The following TACC2 variants were observed in gnomAD, a reference collection of about 807,000 sequenced individuals.
TACC2 encodes transforming acidic coiled-coil-containing protein 2.
Under a neutral mutation model 227.3 loss-of-function variants are expected in TACC2, and 137 were observed. That is an observed-to-expected ratio of 0.60 (90% CI 0.52 to 0.69). The LOEUF is 0.69. TACC2 is among the 30% of genes least tolerant of loss of function. The probability of loss-of-function intolerance (pLI) is 0.00; values close to 1 mark genes in which losing one functional copy is unlikely to be tolerated. For missense variants in TACC2, 3,470 were observed against 3,694.4 expected, an observed-to-expected ratio of 0.94 and a Z score of 1.57; for synonymous variants, 1,523 against 1,487.5, an observed-to-expected ratio of 1.02 and a Z score of -0.55.
chr10:122,195,030 C>G lies in TACC2; in HGVS notation c.5835-10C>G, dbSNP rs1436322362. 6.2e-7 allele frequency: 1 copy of G among 1,604,420 alleles called. No individual in the cohort carries two copies. Among genetic ancestry groups the G allele is most frequent in the African/African-American group, 1.3e-5 (1 of 74,860 alleles). On this transcript the variant is annotated splice_polypyrimidine_tract_variant and intron_variant, in intron 7 of 22. Coordinates refer to ENST00000369005, the MANE Select transcript of TACC2 (RefSeq NM_206862.4). The stretch of plus-strand genomic sequence containing the variant: ...CCCTGTCTAACCTGTGCTTCTCCCT[C>G]TCTCATCAGGAGTTCCGATTCTGAA...
chr10:122,039,981 C>A (rs958689836), intron 2 of TACC2, among the ~76,000 whole-genome samples: 6 of 120,508 alleles, frequency 5.0e-5, no homozygotes, highest in African/African-American at 2.0e-4. Context: ...GAGCCTCAGC[C>A]CAGCCCCTTG....
chr10:122,084,747 C>T lies in TACC2; in HGVS notation c.2247C>T (p.Ser749=). ...CATTGGAAATAAGGAAGATGGGCAG[C>T]TGTGATGGGGAGGGCTTGCTGACGT... ...ESTLEIRKMG[S]CDGEGLLTSP... is the part of the protein sequence containing the mutation. The change falls in exon 4 of 23, where the codon AGC becomes AGT. Residue 749 remains serine (S), a synonymous_variant. Transcript: ENST00000369005. 1 of 1,613,672 alleles carries T rather than the reference C, an allele frequency of 6.2e-7. No individual in the cohort carries two copies. Among genetic ancestry groups the T allele is most frequent in the Non-Finnish European group, 8.5e-7 (1 of 1,180,036 alleles).
intron 2 of TACC2, among the ~76,000 whole-genome samples, chr10:122,032,042 G>A (rs1208433720): frequency 6.6e-6 from 1 of 152,032 alleles, no homozygotes. Flanking sequence ...AGGAATCTGA[G>A]CGACCCTGAT....
intron 8 of TACC2, among the ~76,000 whole-genome samples, chr10:122,206,092 G>A (rs1031706779): frequency 8.5e-5 from 13 of 152,086 alleles, no homozygotes; most frequent in Non-Finnish European, 1.5e-4. Context: ...ACTGGGGGGC[G>A]GGGGGAAAGA....
rs1395195880 is a variant in TACC2, at chr10:122,084,906, G to A, written c.2406G>A (p.Gln802=). The change falls in exon 4 of 23, where the codon CAG becomes CAA. Residue 802 remains glutamine, a synonymous_variant. Coordinates refer to ENST00000369005, the MANE Select transcript of TACC2 (RefSeq NM_206862.4). The part of the protein sequence containing the change: ...GLTALILDQD[Q]QGIPSCPGEG... ...CGGCACTCATCCTGGACCAAGATCA[G>A]CAGGGAATCCCATCCTGCCCAGGGG... is the stretch of plus-strand genomic sequence containing the variant. 2.5e-6 allele frequency: 4 copies of A among 1,614,132 alleles called. No homozygotes were observed. In the South Asian group the frequency reaches 4.4e-5, roughly 18 times the overall value.
intron 3 of TACC2, among the ~76,000 whole-genome samples, chr10:122,073,126 A>AAAAATAT (rs1383487943): frequency 6.8e-4 from 48 of 71,000 alleles, no homozygotes; most frequent in Admixed American, 1.2e-3. Flanking sequence ...AAAAAAAAAA[A>AAAAATAT]ATATATATAT....
Position 122,000,971 on chromosome 10 carries a change from C to T in TACC2, c.-46+11483C>T, listed in dbSNP as rs564722841. On this transcript the variant is annotated intron_variant, in intron 1 of 22. Coordinates refer to ENST00000369005, the MANE Select transcript of TACC2 (RefSeq NM_206862.4). ...CCGAGTAGCTGGGACTACAGGCATG[C>T]GCCACCATGCCCAGCTAATTTTTGT... Among the ~76,000 whole-genome samples the T allele has an allele frequency of 9.5e-3, 1,446 of 152,156 alleles. 6 individuals are homozygous for T. The highest frequency in any genetic ancestry group is 0.014 in the South Asian group (69 of 4,816).
rs182484320 is a variant in TACC2 at position 122,111,063 on chromosome 10, C to T, written c.5574-21546C>T. On this transcript the variant is annotated intron_variant, in intron 5 of 22. Transcript: ENST00000369005. ...TGTGCTTCCATAGCCACATCTCTTT[C>T]TCTGACTCTCTTCTTCCTCCTCCTT... is the stretch of plus-strand genomic sequence containing the variant. Among the ~76,000 whole-genome samples the T allele has an allele frequency of 2.0e-4, 30 of 152,316 alleles. No individual in the cohort carries two copies. The East Asian group carries it at 5.2e-3, about 26-fold the overall frequency.
chr10:122,061,332 T>A (rs922787558), intron 3 of TACC2, among the ~76,000 whole-genome samples: 4 of 148,876 alleles, frequency 2.7e-5, no homozygotes, highest in Non-Finnish European at 5.9e-5. Flanking sequence ...TCGAGGAAGA[T>A]TCCTGAAGCT....
intron 22 of TACC2, among the ~76,000 whole-genome samples, chr10:122,251,593 G>A (rs968611083): frequency 8.5e-5 from 13 of 152,174 alleles, no homozygotes; most frequent in Non-Finnish European, 1.8e-4. Flanking sequence ...CCAGCTATTC[G>A]GGAGGCTAAG....
intron 5 of TACC2, among the ~76,000 whole-genome samples, chr10:122,114,518 G>A (rs534479073): frequency 4.7e-4 from 71 of 152,248 alleles, no homozygotes; most frequent in Non-Finnish European, 7.8e-4. Flanking sequence ...GGCCTCCTGA[G>A]AATGGGACCA....
chr10:122,142,955 A>AC (rs1425413150), intron 6 of TACC2, among the ~76,000 whole-genome samples: 1 of 151,808 alleles, frequency 6.6e-6, no homozygotes, highest in African/African-American at 2.4e-5. Flanking sequence ...CTCCAGTGCT[A>AC]CCCCCGGAGG....
intron 7 of TACC2, among the ~76,000 whole-genome samples, chr10:122,153,636 A>G (rs915067638): frequency 2.6e-5 from 4 of 152,218 alleles, no homozygotes; most frequent in Non-Finnish European, 4.4e-5. Flanking sequence ...CAGCAGCCAC[A>G]GCTAAACATG....
At chr10:122,082,054 G>A (rs1345399320) in intron 3 of TACC2, among the ~76,000 whole-genome samples, 3 of 149,710 alleles carry the variant, frequency 2.0e-5, no homozygotes, top group African/African-American at 7.4e-5. Context: ...GGTGGCTCAC[G>A]CCTATAATTC....
intron 17 of TACC2, among the ~76,000 whole-genome samples, 154 bp from the exon 18 acceptor site, chr10:122,237,807 A>G (rs1258121477): frequency 6.6e-6 from 1 of 152,112 alleles, no homozygotes; most frequent in East Asian, 1.9e-4. Context: ...TTTCTTTTTT[A>G]TGCTCGGGGA....
intron 2 of TACC2, among the ~76,000 whole-genome samples, chr10:122,042,868 T>C (rs1004205919): frequency 6.6e-5 from 10 of 152,176 alleles, no homozygotes; most frequent in African/African-American, 2.4e-4. Context: ...GATACAGGGA[T>C]TCTAGAGGGG....
intron 2 of TACC2, among the ~76,000 whole-genome samples, chr10:122,036,625 C>T (rs1037190579): frequency 3.3e-5 from 5 of 151,996 alleles, no homozygotes; most frequent in East Asian, 1.9e-4. Flanking sequence ...CTCAGCCTCC[C>T]GAGTAGCTGG....
intron 7 of TACC2, among the ~76,000 whole-genome samples, chr10:122,149,440 ACTGTGGCGG>A (rs1471355897): frequency 3.3e-5 from 5 of 152,176 alleles, no homozygotes; most frequent in African/African-American, 1.2e-4. Context: ...TGAGCTGCAG[ACTGTGGCGG>A]CTGTGGCGTT....
intron 22 of TACC2, among the ~76,000 whole-genome samples, chr10:122,253,595 C>T (rs2096288780): frequency 6.6e-6 from 1 of 152,194 alleles, no homozygotes; most frequent in African/African-American, 2.4e-5. Context: ...TCAAAAAAGC[C>T]ACCGAGGGGT....
Sources: gnomAD v4.1 joint callset for allele counts (sites outside exome capture counted in the v4.1 genomes callset) on GRCh38, gnomAD v4.1.1 for gene constraint, MANE v1.5 for transcripts, NCBI Gene and HGNC (gene_info 2026-07-23, HGNC 2026-07-21) for gene names.